The following NEGR1 variants were observed in gnomAD, a reference collection of about 807,000 sequenced individuals.
The protein encoded by NEGR1 is neuronal growth regulator 1.
In NEGR1, 10 loss-of-function variants were observed where a neutral mutation model predicts 40.9. The ratio of observed to expected loss-of-function variants is 0.24; its 90% CI spans 0.15 to 0.42. The LOEUF is 0.42. Among genes scored for constraint, NEGR1 ranks in the 10% least tolerant of loss-of-function variants. NEGR1 has a pLI of 1.00. For missense variants in NEGR1, 352 were observed against 438.9 expected, an observed-to-expected ratio of 0.80 and a Z score of 1.77; for synonymous variants, 185 against 166.8, an observed-to-expected ratio of 1.11 and a Z score of -0.84.
chr1:72,074,140 A>G (rs1264694614), intron 1 of NEGR1, among the ~76,000 whole-genome samples: 1 of 152,064 alleles, frequency 6.6e-6, no homozygotes, highest in African/African-American at 2.4e-5. Flanking sequence ...ATAAAACAAT[A>G]TGTCTTATAA....
chr1:71,412,419 T>C (rs536814658), intron 6 of NEGR1, among the ~76,000 whole-genome samples: 205 of 152,330 alleles, frequency 1.3e-3, no homozygotes, highest in Admixed American at 3.0e-3. Context: ...ACTTCAGAAA[T>C]GTTTTCTTTC....
At chr1:72,039,607 T>C (rs978547679) in intron 1 of NEGR1, among the ~76,000 whole-genome samples, 1 of 151,994 alleles carries the variant, frequency 6.6e-6, no homozygotes, top group Non-Finnish European at 1.5e-5. Flanking sequence ...AACTCAATAT[T>C]GGGATCAAGA....
At chr1:71,434,008 TC>T (rs1256312621) in intron 6 of NEGR1, among the ~76,000 whole-genome samples, 20 of 152,350 alleles carry the variant, frequency 1.3e-4, no homozygotes, top group African/African-American at 4.8e-4. Context: ...AAGCCTTGTT[TC>T]AATGGCTGGT....
At chr1:72,135,816 C>T (rs899161180) in intron 1 of NEGR1, among the ~76,000 whole-genome samples, 3 of 152,178 alleles carry the variant, frequency 2.0e-5, no homozygotes, top group African/African-American at 7.2e-5. Flanking sequence ...AAGCTTAATA[C>T]CTGGTATCAC....
intron 2 of NEGR1, among the ~76,000 whole-genome samples, chr1:71,817,395 G>T (rs983259835): frequency 6.6e-6 from 1 of 152,162 alleles, no homozygotes; most frequent in Admixed American, 6.5e-5. Context: ...GGTTGGAAAA[G>T]CTTAGTTAGA....
chr1:71,974,956 C>G (rs1646289119), intron 1 of NEGR1, among the ~76,000 whole-genome samples: 1 of 152,092 alleles, frequency 6.6e-6, no homozygotes. Context: ...CACTAATGTA[C>G]AGTGAGTCAG....
At chr1:72,278,590 G>C (rs1343312303) in intron 1 of NEGR1, among the ~76,000 whole-genome samples, 1 of 151,910 alleles carries the variant, frequency 6.6e-6, no homozygotes, top group East Asian at 1.9e-4. Context: ...TATTGTTCTA[G>C]AGCAGAGTTA....
In NEGR1 at chr1:71,423,835, T is replaced by A. The variant is rs1311312719; in HGVS notation, c.941-16265A>T. Among the ~76,000 whole-genome samples, 3 of 151,504 alleles carry A rather than the reference T, an allele frequency of 2.0e-5. No homozygotes were observed. The East Asian group carries it at 5.8e-4, about 29-fold the overall frequency. ...CTCCTCCTCACCCACCCCCCCTTTT[T>A]TTTTTTTCAAAATTAGTTGCATTCA... On this transcript the variant is annotated intron_variant, in intron 6 of 6. Transcript: ENST00000357731.
chr1:71,739,485 C>T (rs1452463935), intron 3 of NEGR1, among the ~76,000 whole-genome samples: 1 of 151,188 alleles, frequency 6.6e-6, no homozygotes, highest in Non-Finnish European at 1.5e-5. Context: ...AATACACCCC[C>T]ACCAAAACAA....
intron 2 of NEGR1, among the ~76,000 whole-genome samples, chr1:71,921,909 T>C (rs1645724157): frequency 6.6e-6 from 1 of 151,972 alleles, no homozygotes. Context: ...TCAGTGTCCC[T>C]AACCCTCATG....
At chr1:71,877,279 G>T (rs1398285363) in intron 2 of NEGR1, among the ~76,000 whole-genome samples, 1 of 152,188 alleles carries the variant, frequency 6.6e-6, no homozygotes, top group Non-Finnish European at 1.5e-5. Flanking sequence ...AATCTATAGG[G>T]ACTATTAGTA....
At chr1:71,714,792 C>T (rs1654217763) in intron 3 of NEGR1, among the ~76,000 whole-genome samples, 1 of 152,232 alleles carries the variant, frequency 6.6e-6, no homozygotes, top group South Asian at 2.1e-4. Flanking sequence ...GCTGCTCTCC[C>T]AGCTGCTTTC....
chr1:72,013,073 A>G (rs763293257), intron 1 of NEGR1, among the ~76,000 whole-genome samples: 1 of 151,868 alleles, frequency 6.6e-6, no homozygotes, highest in Non-Finnish European at 1.5e-5. Context: ...AAGCTTATAA[A>G]CCCTTCAGGG....
chr1:71,827,554 G>A (rs1658677253), intron 2 of NEGR1, among the ~76,000 whole-genome samples: 1 of 151,832 alleles, frequency 6.6e-6, no homozygotes, highest in Admixed American at 6.6e-5. Flanking sequence ...ACCAGTATTT[G>A]CTGAATCCCT....
At chr1:71,828,878 C>G (rs1003840995) in intron 2 of NEGR1, among the ~76,000 whole-genome samples, 1 of 151,972 alleles carries the variant, frequency 6.6e-6, no homozygotes, top group Non-Finnish European at 1.5e-5. Flanking sequence ...ATGAACACTA[C>G]TGACGGCTGA....
chr1:71,616,885 C>G (rs1650461970), intron 4 of NEGR1, among the ~76,000 whole-genome samples: 1 of 152,128 alleles, frequency 6.6e-6, no homozygotes, highest in Non-Finnish European at 1.5e-5. Context: ...AAGAAAATAA[C>G]AAGAGTGCTA....
intron 1 of NEGR1, among the ~76,000 whole-genome samples, chr1:72,089,328 G>A (rs115144277): frequency 6.6e-6 from 1 of 152,128 alleles, no homozygotes; most frequent in African/African-American, 2.4e-5. Flanking sequence ...TATCTTACAA[G>A]GGCTGGCAGA....
intron 1 of NEGR1, among the ~76,000 whole-genome samples, chr1:72,075,298 T>C (rs1273573941): frequency 6.6e-6 from 1 of 152,160 alleles, no homozygotes; most frequent in Non-Finnish European, 1.5e-5. Context: ...CTCTGTTTTA[T>C]TTAAAGGCAT....
chr1:71,789,586 C>T (rs1376200711), intron 2 of NEGR1, among the ~76,000 whole-genome samples: 2 of 152,072 alleles, frequency 1.3e-5, no homozygotes, highest in African/African-American at 4.8e-5. Flanking sequence ...TTTAGCTTCT[C>T]TCAAGTACTA....
Sources: gnomAD v4.1 joint callset for allele counts (sites outside exome capture counted in the v4.1 genomes callset) on GRCh38, gnomAD v4.1.1 for gene constraint, MANE v1.5 for transcripts, NCBI Gene and HGNC (gene_info 2026-07-23, HGNC 2026-07-21) for gene names.